Variants in TATDN2 observed in about 807,000 individuals in gnomAD.
The protein encoded by TATDN2 is TatD DNase domain containing 2, also known as 3'-5' RNA nuclease TATDN2.
Under a neutral mutation model 60.3 loss-of-function variants are expected in TATDN2, and 44 were observed. The ratio of observed to expected loss-of-function variants is 0.73; its 90% CI spans 0.57 to 0.94. TATDN2 has a LOEUF of 0.94. Ranked by LOEUF, TATDN2 falls within the 40% of genes least tolerant of loss-of-function variation. The pLI is 0.00. For synonymous variants in TATDN2, 399 were observed against 355.8 expected, an observed-to-expected ratio of 1.12 and a Z score of -1.37; for missense variants, 997 against 948.0, an observed-to-expected ratio of 1.05 and a Z score of -0.68.
rs150917160 is a variant in TATDN2 at position 10,267,723 on chromosome 3, G to A, written c.949-2408G>A. 6.3e-4 allele frequency among the ~76,000 whole-genome samples: 96 copies of A among 152,254 alleles called. 1 individual carries two copies. The East Asian group carries it at 0.013, about 20-fold the overall frequency. On this transcript the variant is annotated intron_variant, in intron 3 of 7. Coordinates refer to ENST00000448281, the MANE Select transcript of TATDN2 (RefSeq NM_014760.4). ...TATCACATTGAGGCAGTCTGTTTCCGTTTTTCCTCGAGGTGTGTTTTTGGG... is the reference window on the plus strand; with the variant it reads ...TATCACATTGAGGCAGTCTGTTTCCATTTTTCCTCGAGGTGTGTTTTTGGG...
intron 2 of TATDN2, among the ~76,000 whole-genome samples, chr3:10,256,519 C>T (rs1296902021): frequency 2.0e-5 from 3 of 152,042 alleles, no homozygotes; most frequent in East Asian, 1.9e-4. Context: ...GGTCCAGAAC[C>T]GTGCCTGCTG....
In TATDN2 at chr3:10,276,346, T is replaced by A; in HGVS notation, c.1834-15T>A. 6.2e-7 allele frequency: 1 copy of A among 1,613,330 alleles called. No homozygotes were observed. The highest frequency in any genetic ancestry group is 1.1e-5 in the South Asian group (1 of 91,008). ...GCTGCTAACCAACAGGGGTTGTCGC[T>A]GTGTCCTCTCCTAGGTATTTGAGAG... On this transcript the variant is annotated splice_polypyrimidine_tract_variant and intron_variant, in intron 4 of 7. Transcript: ENST00000448281.
At chr3:10,250,168 GTTTTTTTTTTTTTTC>G (rs2125170377) in intron 2 of TATDN2, among the ~76,000 whole-genome samples, 1 of 138,142 alleles carries the variant, frequency 7.2e-6, no homozygotes, top group South Asian at 2.3e-4. Flanking sequence ...GGTGGTGCTA[GTTTTTTTTTTTTTTC>G]TTTTTTTTTT....
intron 2 of TATDN2, among the ~76,000 whole-genome samples, chr3:10,254,708 C>T (rs147727180): frequency 1.3e-5 from 2 of 152,246 alleles, no homozygotes; most frequent in East Asian, 3.9e-4. Flanking sequence ...CTGTTGAAAT[C>T]CTTCAGGCTA....
In TATDN2 at chr3:10,280,593, G is replaced by A. The variant is rs1698720090; in HGVS notation, c.*1411G>A. The stretch of plus-strand genomic sequence containing the variant: ...TCCTAAATTCCTCTAGGTGTTTTTG[G>A]AAGGCGCATTTGAGCCTTGTGAGCT... On this transcript the variant is annotated 3_prime_UTR_variant, in exon 8 of 8. Coordinates refer to ENST00000448281, the MANE Select transcript of TATDN2 (RefSeq NM_014760.4). The A allele has an allele frequency of 6.5e-6, 1 of 153,768 alleles. No individual in the cohort carries two copies. Among genetic ancestry groups the A allele is most frequent in the African/African-American group, 2.4e-5 (1 of 41,436 alleles). 9.5% of individuals were successfully genotyped at this position (153,768 alleles called of 1,614,324 possible).
chr3:10,249,084 C>T lies in TATDN2; in HGVS notation c.-7+17C>T, dbSNP rs1698177889. On this transcript the variant is annotated intron_variant, in intron 1 of 7. Coordinates refer to ENST00000448281, the MANE Select transcript of TATDN2 (RefSeq NM_014760.4). ...GAGGGAAAGGTCAGTGAGGCTAGCCCCTGGCTCTGCCCTTATGTCTTGCCG... is the reference window on the plus strand; with the variant it reads ...GAGGGAAAGGTCAGTGAGGCTAGCCTCTGGCTCTGCCCTTATGTCTTGCCG... 1.6e-6 allele frequency: 2 copies of T among 1,266,750 alleles called. No homozygotes were observed. Among genetic ancestry groups the T allele is most frequent in the African/African-American group, 3.0e-5 (2 of 65,676 alleles). 78.5% of individuals were successfully genotyped at this position (1,266,750 alleles called of 1,614,324 possible).
intron 4 of TATDN2, among the ~76,000 whole-genome samples, chr3:10,274,216 T>G (rs1698604069): frequency 6.6e-6 from 1 of 152,140 alleles, no homozygotes; most frequent in Non-Finnish European, 1.5e-5. Context: ...TTCTAATGAG[T>G]TCTTCTTCCT....
rs188066621 is a variant in TATDN2 at position 10,272,710 on chromosome 3, C to T, written c.1833+1695C>T. ...TTGGAGACCAGCCTGGCCAACGTGG[C>T]GAAACCCCGTCTCTATTAAAAATAC... On this transcript the variant is annotated intron_variant, in intron 4 of 7. Coordinates refer to ENST00000448281, the MANE Select transcript of TATDN2 (RefSeq NM_014760.4). Among the ~76,000 whole-genome samples, 350 of 146,504 alleles carry T rather than the reference C, an allele frequency of 2.4e-3. 8 individuals are homozygous for T. In the South Asian group the frequency reaches 0.045, roughly 19 times the overall value.
chr3:10,258,618 G>A (rs765229900), intron 2 of TATDN2, among the ~76,000 whole-genome samples: 17 of 151,924 alleles, frequency 1.1e-4, no homozygotes, highest in Non-Finnish European at 1.8e-4. Context: ...ACAGGTGCCC[G>A]CCACCATGCC....
At chr3:10,255,097 ACCT>A (rs1698288932) in intron 2 of TATDN2, among the ~76,000 whole-genome samples, 1 of 138,292 alleles carries the variant, frequency 7.2e-6, no homozygotes, top group Non-Finnish European at 1.5e-5. Flanking sequence ...TGCATCCTTG[ACCT>A]CCTGGCTCAG....
intron 2 of TATDN2, among the ~76,000 whole-genome samples, chr3:10,254,126 C>G (rs920477122): frequency 2.0e-5 from 3 of 152,200 alleles, no homozygotes; most frequent in Non-Finnish European, 4.4e-5. Flanking sequence ...TGGCACATGT[C>G]TAGTGCACAC....
intron 4 of TATDN2, 101 bp from the exon 5 acceptor site, chr3:10,276,260 A>G (rs967931718): frequency 2.1e-6 from 3 of 1,442,426 alleles, no homozygotes; most frequent in African/African-American, 1.4e-5. Context: ...TAGTTAAAAA[A>G]AGAGAGACAC....
intron 3 of TATDN2, among the ~76,000 whole-genome samples, chr3:10,264,183 C>T (rs1426741764): frequency 6.6e-6 from 1 of 152,050 alleles, no homozygotes; most frequent in Non-Finnish European, 1.5e-5. Flanking sequence ...CAGATTTCAC[C>T]CTGTCCTCCT....
At chr3:10,276,558 ATGATCG>A in intron 5 of TATDN2, 70 bp downstream of exon 5, 1 of 1,584,932 alleles carries the variant, frequency 6.3e-7, no homozygotes, top group Non-Finnish European at 8.6e-7. Context: ...GAGGACAGCA[ATGATCG>A]TATTCTGTCA....
chr3:10,268,173 T>C (rs1483307457), intron 3 of TATDN2, among the ~76,000 whole-genome samples: 1 of 152,216 alleles, frequency 6.6e-6, no homozygotes, highest in Non-Finnish European at 1.5e-5. Context: ...TAGAAAAGAT[T>C]CTTGTTTGGA....
chr3:10,253,133 A>G (rs1698256202), intron 2 of TATDN2, among the ~76,000 whole-genome samples: 1 of 151,374 alleles, frequency 6.6e-6, no homozygotes, highest in South Asian at 2.1e-4. Context: ...CTGGGATTAC[A>G]GGCGTGAACC....
intron 3 of TATDN2, among the ~76,000 whole-genome samples, chr3:10,267,510 T>C (rs1698495951): frequency 1.3e-5 from 2 of 152,244 alleles, no homozygotes; most frequent in African/African-American, 4.8e-5. Context: ...GAACTGTATG[T>C]GGCAATTTTT....
rs149430731 is a variant in TATDN2, at chr3:10,270,482, A to G, written c.1300A>G (p.Met434Val). Residue 434 changes from methionine to valine, a missense_variant, in exon 4 of 8, where the codon ATG becomes GTG. Transcript: ENST00000448281. ...TGSVQNTSRD[M>V]EASEEGWSQN... Reference sequence around the variant, plus strand: ...GAGTGTCCAAAACACCTCCAGAGACATGGAGGCCTCAGAGGAAGGCTGGTC... The same window carrying G: ...GAGTGTCCAAAACACCTCCAGAGACGTGGAGGCCTCAGAGGAAGGCTGGTC... The G allele has an allele frequency of 1.1e-4, 174 of 1,614,206 alleles. 1 individual carries two copies. In the East Asian group the frequency reaches 1.7e-3, roughly 15 times the overall value.
At chr3:10,272,894 C>T (rs571436733) in intron 4 of TATDN2, among the ~76,000 whole-genome samples, 2 of 148,668 alleles carry the variant, frequency 1.3e-5, no homozygotes, top group African/African-American at 5.0e-5. Flanking sequence ...AAAAAATTAG[C>T]TGGGTGTGAT....
Sources: gnomAD v4.1 joint callset for allele counts (sites outside exome capture counted in the v4.1 genomes callset) on GRCh38, gnomAD v4.1.1 for gene constraint, MANE v1.5 for transcripts, NCBI Gene and HGNC (gene_info 2026-07-23, HGNC 2026-07-21) for gene names.